Variants in CDC25B observed in about 807,000 individuals in gnomAD.
CDC25B encodes the protein cell division cycle 25B.
CDC25B carries 33 observed loss-of-function variants against 69.8 expected under a neutral mutation model. The ratio of observed to expected loss-of-function variants is 0.47; its 90% confidence interval spans 0.36 to 0.63. The LOEUF is 0.63. Among genes scored for constraint, CDC25B ranks in the 30% least tolerant of loss-of-function variants. The probability of loss-of-function intolerance (pLI) is 0.00; values close to 1 mark genes in which losing one functional copy is unlikely to be tolerated. For missense variants in CDC25B, 727 were observed against 809.1 expected (o/e 0.90, Z 1.23); for synonymous variants, 341 against 314.6 (o/e 1.08, Z -0.89).
rs745347347 is a variant in CDC25B, at chr20:3,800,911, G to A, written c.582+46G>A. ...GGTGGGAGCTCTCCGGGAAGAGGAG[G>A]GGGCATGCTGGGGTGGTTCCCTGGC... On this transcript the variant is annotated intron_variant, in intron 6 of 15. Transcript: ENST00000245960. The A allele has an allele frequency of 2.1e-5, 34 of 1,612,148 alleles. No homozygotes were observed. In the East Asian group the frequency reaches 7.1e-4, roughly 34 times the overall value.
At chr20:3,787,528 T>C (rs1003306815) in intron 1 of CDC25B, among the ~76,000 whole-genome samples, 16 of 152,220 alleles carry the variant, frequency 1.1e-4, no homozygotes, top group Non-Finnish European at 1.8e-4. Flanking sequence ...GGCTTTTCCA[T>C]GCATATAGCC....
chr20:3,804,958 G>C lies in CDC25B; in HGVS notation c.1740G>C (p.Gln580His). 6.2e-7 allele frequency: 1 copy of C among 1,611,894 alleles called. No individual in the cohort carries two copies. The highest frequency in any genetic ancestry group is 8.5e-7 in the Non-Finnish European group (1 of 1,179,888). The part of the protein sequence containing the change: ...RRELCSRLQD[Q>H] ...AGCTCTGTAGCCGGCTGCAGGACCA[G>C]TGAGGGGCCTGCGCCAGTCCTGCTA... The change falls in exon 16 of 16, where the codon CAG (glutamine) becomes CAC (histidine). Residue 580 changes from glutamine (Q) to histidine (H), a missense_variant. Gln to His is a conservative substitution (Grantham distance 24, BLOSUM62 0). Around this residue, in one of 2 missense-constraint regions of CDC25B, gnomAD observed 359 missense variants for 463.4 expected, o/e 0.77. Transcript: ENST00000245960.
At chr20:3,800,210 T>TGGAGACCTGGTGCTAG (rs1568506811) in intron 3 of CDC25B, 78 bp from the exon 4 acceptor site, 23 of 1,285,656 alleles carry the variant, frequency 1.8e-5, no homozygotes, top group Non-Finnish European at 2.2e-5. Flanking sequence ...TACTCCCCCC[T>TGGAGACCTGGTGCTAG]GGACTGGGGG....
chr20:3,802,345 A>G lies in CDC25B; in HGVS notation c.1163A>G (p.Asp388Gly). 6.2e-7 allele frequency: 1 copy of G among 1,607,708 alleles called. No homozygotes were observed. Among genetic ancestry groups the G allele is most frequent in the East Asian group, 2.2e-5 (1 of 44,850 alleles). The stretch of plus-strand genomic sequence containing the variant: ...GAGATCGAGAACCTCCTGGACAGTG[A>G]CCACCGAGAGCTGATTGGAGATTAC... ...HDEIENLLDS[D>G]HRELIGDYSK... The change falls in exon 11 of 16, where the codon GAC becomes GGC. Residue 388 changes from aspartate to glycine, a missense_variant. Around this residue, in one of 2 missense-constraint regions of CDC25B, gnomAD observed 359 missense variants for 463.4 expected, o/e 0.77. Transcript: ENST00000245960.
At position 3,796,338 on chromosome 20, in the gene CDC25B, C is replaced by T. The variant is rs1660330723; in HGVS notation, c.-194C>T. 11 of 1,324,906 alleles carry T rather than the reference C, an allele frequency of 8.3e-6. No individual in the cohort carries two copies. Among genetic ancestry groups the T allele is most frequent in the East Asian group, 3.5e-5 (1 of 28,672 alleles). The allele number at this position is 1,324,906 out of a possible 1,614,324, so 82.1% of individuals were successfully genotyped here. A position where few individuals can be genotyped will look rare whatever the true frequency, so the allele number is the denominator to read the frequency against. On this transcript the variant is annotated 5_prime_UTR_variant, in exon 1 of 16. Transcript: ENST00000245960. ...GGCTTCCCTGGCTGGTGCCTGAGCC[C>T]GGCGTCCCTCGCCCCCCGCCCTCCC...
rs118025373 is a variant in CDC25B, at chr20:3,799,405, G to A, written c.381-883G>A. On this transcript the variant is annotated intron_variant, in intron 3 of 15. Transcript: ENST00000245960. ...GCTGGGCACAGCAGCCCCCCGGGGG[G>A]GCATCCCCCTCATACTTTATCCCTG... Among the ~76,000 whole-genome samples the A allele has an allele frequency of 2.8e-3, 428 of 152,254 alleles. 6 individuals carry two copies. The East Asian group carries it at 0.031, about 11-fold the overall frequency.
chr20:3,805,024 G>A lies in CDC25B; in HGVS notation c.*63G>A. 1.9e-6 allele frequency: 3 copies of A among 1,544,588 alleles called. No homozygotes were observed. The highest frequency in any genetic ancestry group is 2.6e-6 in the Non-Finnish European group (3 of 1,145,448). On this transcript the variant is annotated 3_prime_UTR_variant, in exon 16 of 16. Coordinates refer to ENST00000245960, the MANE Select transcript of CDC25B (RefSeq NM_021873.4). ...GAGGCCTGAAGCCAGCTGCCCTATG[G>A]GCCTGCCGGGCTGAGGGCCTGCTGG...
At chr20:3,794,972 G>A (rs1007015060), upstream of CDC25B, among the ~76,000 whole-genome samples, 6 of 152,186 alleles carry the variant, frequency 3.9e-5, no homozygotes, top group Admixed American at 3.9e-4. Context: ...GACAGGATGC[G>A]AAAGCTGCTC....
upstream of CDC25B, among the ~76,000 whole-genome samples, chr20:3,793,853 G>T (rs2088959986): frequency 8.0e-5 from 12 of 149,154 alleles, no homozygotes. Context: ...GCGGTGTTTG[G>T]TTTTTTGTTC....
At position 3,798,315 on chromosome 20, in the gene CDC25B, G is replaced by GTT. The variant is rs58192077; in HGVS notation, c.329-76_329-75dup. The GTT allele has an allele frequency of 2.0e-3, 742 of 372,180 alleles. 1 individual carries two copies. Among genetic ancestry groups the GTT allele is most frequent in the Middle Eastern group, 2.6e-3 (4 of 1,524 alleles). The allele number at this position is 372,180 out of a possible 1,614,324, so 23.1% of individuals were successfully genotyped here. On this transcript the variant is annotated intron_variant, in intron 2 of 15. Transcript: ENST00000245960. ...TGTGTCAAAGTCCAAACTAGAAACT[G>GTT]TTTTTTTTTTTTTTTTTTTTTTCAT...
upstream of CDC25B, chr20:3,795,985 T>G: frequency 1.0e-6 from 1 of 989,850 alleles, no homozygotes; most frequent in Non-Finnish European, 1.2e-6. Flanking sequence ...TGATCCCAGG[T>G]GACGACATGC....
At chr20:3,802,141 G>T in intron 10 of CDC25B, 41 bp downstream of exon 10, 1 of 1,537,070 alleles carries the variant, frequency 6.5e-7, no homozygotes. Context: ...GCATGCACCT[G>T]GGCAGCCACC....
chr20:3,787,673 T>G lies in CDC25B; in HGVS notation c.8+534T>G, dbSNP rs1011120075. On this transcript the variant is annotated intron_variant, in intron 1 of 15. Coordinates refer to the CDC25B transcript ENST00000344256. ...AACAATGAATGTATAGCTGTGTTTT[T>G]AAAAATCTCTTAGGGCAGCACTAAG... 3.3e-5 allele frequency among the ~76,000 whole-genome samples: 5 copies of G among 152,144 alleles called. 1 individual carries two copies. The highest frequency in any genetic ancestry group is 1.2e-4 in the African/African-American group (5 of 41,422).
At chr20:3,786,965 T>A (rs2088835929) in exon 1 of CDC25B, 1 of 511,220 alleles carries the variant, frequency 2.0e-6, no homozygotes, top group Non-Finnish European at 3.4e-6. Context: ...ACGCGGTGCA[T>A]CGCTACTGCG....
upstream of CDC25B, chr20:3,795,845 G>A (rs956713910): frequency 7.0e-5 from 69 of 984,622 alleles, no homozygotes; most frequent in Admixed American, 1.2e-4. Flanking sequence ...GCGTGACCTT[G>A]ATTGAGTTAA....
chr20:3,789,271 G>C (rs75786759), intron 1 of CDC25B, among the ~76,000 whole-genome samples: 2,502 of 152,326 alleles, frequency 0.016, 28 homozygotes, highest in Middle Eastern at 0.061. Flanking sequence ...GTCTAGCTCT[G>C]TCACCCAGGA....
Position 3,801,090 on chromosome 20 carries a change from G to A in CDC25B, c.702G>A (p.Leu234=). The A allele has an allele frequency of 6.2e-7, 1 of 1,614,054 alleles. No homozygotes were observed. The highest frequency in any genetic ancestry group is 8.5e-7 in the Non-Finnish European group (1 of 1,179,932). The part of the protein sequence containing the change: ...FAQRPSSAPD[L]MCLSPDRKME... The stretch of plus-strand genomic sequence containing the variant: ...AGAGACCCAGCTCGGCCCCCGACCT[G>A]ATGGTACATCCAGAGAGCGGATCCC... The change falls in exon 7 of 16, where the codon CTG becomes CTA. Residue 234 remains leucine (L), a synonymous_variant. Coordinates refer to ENST00000245960, the MANE Select transcript of CDC25B (RefSeq NM_021873.4).
intron 14 of CDC25B, among the ~76,000 whole-genome samples, chr20:3,804,207 C>T (rs1407687339): frequency 6.6e-6 from 1 of 152,244 alleles, no homozygotes; most frequent in African/African-American, 2.4e-5. Flanking sequence ...CTTCTCCCCA[C>T]CACTGATCCT....
intron 14 of CDC25B, 46 bp from the exon 15 acceptor site, chr20:3,804,523 C>T (rs1163954475): frequency 8.1e-7 from 1 of 1,229,294 alleles, no homozygotes; most frequent in South Asian, 1.2e-5. Context: ...GATGTACAAG[C>T]CACTGCATGC....
Sources: allele counts gnomAD v4.1 joint callset (sites outside exome capture counted in the v4.1 genomes callset), GRCh38; gene constraint gnomAD v4.1.1; regional missense constraint gnomAD v4.1.1; transcripts MANE v1.5; gene names NCBI Gene and HGNC (gene_info 2026-07-23, HGNC 2026-07-21).